Variants in EYA1 observed in about 807,000 individuals in gnomAD.
The protein encoded by EYA1 is EYA transcriptional coactivator and phosphatase 1, also known as protein phosphatase EYA1.
Under a neutral mutation model 82.0 loss-of-function variants are expected in EYA1, and 16 were observed. That is an observed-to-expected ratio of 0.20 (90% CI 0.13 to 0.30). The LOEUF (loss-of-function observed/expected upper bound fraction) is 0.30. EYA1 is among the 10% of genes least tolerant of loss of function. EYA1 has a pLI of 1.00. For missense variants in EYA1, 633 were observed against 730.7 expected (o/e 0.87, Z 1.54); for synonymous variants, 261 against 264.4 (o/e 0.99, Z 0.12).
rs558965319 is a variant in EYA1 at position 71,491,529 on chromosome 8, G to A, written c.33+44215C>T. ...TAAGGTTAAACAAGGTTTTATGGGT[G>A]GGTCCTAATCCAATATGCCTGAATT... On this transcript the variant is annotated intron_variant, in intron 2 of 18. Coordinates refer to the EYA1 transcript ENST00000643681. Among the ~76,000 whole-genome samples the A allele has an allele frequency of 1.1e-4, 16 of 152,304 alleles. No homozygotes were observed. The South Asian group carries it at 3.1e-3, about 30-fold the overall frequency.
intron 2 of EYA1, among the ~76,000 whole-genome samples, chr8:71,446,889 C>T (rs1031751028): frequency 9.9e-5 from 15 of 152,054 alleles, no homozygotes; most frequent in Non-Finnish European, 2.2e-4. Flanking sequence ...TTTACTAGGT[C>T]TTTATAAAAT....
At chr8:71,389,082 C>G (rs1469967097) in intron 2 of EYA1, among the ~76,000 whole-genome samples, 1 of 151,746 alleles carries the variant, frequency 6.6e-6, no homozygotes, top group East Asian at 1.9e-4. Context: ...AAGAGAGAGA[C>G]AGACACACAC....
chr8:71,503,940 C>G (rs1387930793), intron 2 of EYA1, among the ~76,000 whole-genome samples: 1 of 152,092 alleles, frequency 6.6e-6, no homozygotes, highest in Non-Finnish European at 1.5e-5. Flanking sequence ...ATGTGAGTCG[C>G]TGGAATGGTG....
At chr8:71,514,945 A>G (rs62508476) in intron 2 of EYA1, among the ~76,000 whole-genome samples, 45,186 of 152,016 alleles carry the variant, frequency 0.3, 7,037 homozygotes, top group African/African-American at 0.39. Flanking sequence ...AAAACTGAAA[A>G]ACATTAGTAA....
chr8:71,367,291 T>A (rs1294927937), intron 2 of EYA1, among the ~76,000 whole-genome samples: 2 of 152,184 alleles, frequency 1.3e-5, no homozygotes, highest in Non-Finnish European at 2.9e-5. Flanking sequence ...TTACCCAGTA[T>A]GATATGCTTT....
At chr8:71,326,350 C>G (rs1823142606) in intron 4 of EYA1, among the ~76,000 whole-genome samples, 1 of 152,074 alleles carries the variant, frequency 6.6e-6, no homozygotes, top group South Asian at 2.1e-4. Flanking sequence ...CCCACCTACC[C>G]TTTTATCATA....
At chr8:71,457,804 A>G (rs1460756802) in intron 2 of EYA1, among the ~76,000 whole-genome samples, 1 of 152,216 alleles carries the variant, frequency 6.6e-6, no homozygotes, top group Non-Finnish European at 1.5e-5. Flanking sequence ...TAATGGGTGC[A>G]GCACACCAAC....
chr8:71,269,953 A>G lies in EYA1; in HGVS notation c.967-130T>C, dbSNP rs1033856175. 5.9e-5 allele frequency: 44 copies of G among 740,904 alleles called. No homozygotes were observed. In the African/African-American group the frequency reaches 6.9e-4, roughly 12 times the overall value. 45.9% of individuals were successfully genotyped at this position (740,904 alleles called of 1,614,324 possible). Reference sequence around the variant, plus strand: ...AAAATCTGAATTTATTATTTCAAAAAAAACACAACTGTTTCAAAGAGTATC... The same window carrying G: ...AAAATCTGAATTTATTATTTCAAAAGAAACACAACTGTTTCAAAGAGTATC... On this transcript the variant is annotated intron_variant, in intron 10 of 17. Coordinates refer to ENST00000340726, the MANE Select transcript of EYA1 (RefSeq NM_000503.6).
intron 14 of EYA1, among the ~76,000 whole-genome samples, chr8:71,215,968 C>T (rs901800481): frequency 6.6e-6 from 1 of 152,308 alleles, no homozygotes; most frequent in African/African-American, 2.4e-5. Context: ...GCAGAGGTGA[C>T]TCCACCTTCT....
At chr8:71,292,743 G>A (rs1351143877) in intron 9 of EYA1, among the ~76,000 whole-genome samples, 3 of 151,888 alleles carry the variant, frequency 2.0e-5, no homozygotes, top group Non-Finnish European at 2.9e-5. Flanking sequence ...ATATTGTGAA[G>A]TAAATGAAAA....
chr8:71,425,990 T>A (rs1805203368), intron 2 of EYA1, among the ~76,000 whole-genome samples: 1 of 152,200 alleles, frequency 6.6e-6, no homozygotes. Flanking sequence ...CTCATGAGGC[T>A]GATAGAACCT....
chr8:71,357,270 G>T (rs577409768), intron 1 of EYA1, among the ~76,000 whole-genome samples: 36 of 152,316 alleles, frequency 2.4e-4, no homozygotes, highest in African/African-American at 8.4e-4. Flanking sequence ...GAAGAAAATG[G>T]AAAGTTTAAT....
intron 1 of EYA1, among the ~76,000 whole-genome samples, chr8:71,542,426 G>A (rs1815212254): frequency 1.3e-5 from 2 of 152,158 alleles, no homozygotes; most frequent in African/African-American, 4.8e-5. Context: ...GTATTCCAAG[G>A]TGTATATGTA....
chr8:71,215,645 C>A lies in EYA1; in HGVS notation c.1444G>T (p.Ala482Ser). ...TGAATGAGCGAGAGTGCTTTCAGGG[C>A]CAGTGTCAACCAGGAGTCGGTCAGG... The part of the protein sequence containing the change: ...EALTDSWLTL[A>S]LKALSLIHSR... Residue 482 changes from alanine (A) to serine (S), a missense_variant, in exon 15 of 18, where the codon GCC becomes TCC. Transcript: ENST00000340726. The A allele has an allele frequency of 2.5e-6, 4 of 1,614,116 alleles. No individual in the cohort carries two copies. The highest frequency in any genetic ancestry group is 3.4e-6 in the Non-Finnish European group (4 of 1,179,994).
chr8:71,299,518 A>G (rs558455106), intron 8 of EYA1, 120 bp downstream of exon 8: 1 of 759,814 alleles, frequency 1.3e-6, no homozygotes, highest in African/African-American at 1.7e-5. Context: ...GTGAATTTTA[A>G]AAGAAAACTA....
intron 2 of EYA1, among the ~76,000 whole-genome samples, chr8:71,488,448 C>G (rs1810736181): frequency 6.6e-6 from 1 of 152,116 alleles, no homozygotes; most frequent in African/African-American, 2.4e-5. Flanking sequence ...AGGGATGAAT[C>G]TAGCAGACAC....
intron 2 of EYA1, among the ~76,000 whole-genome samples, chr8:71,420,482 T>A (rs1831088184): frequency 6.6e-6 from 1 of 152,178 alleles, no homozygotes; most frequent in Non-Finnish European, 1.5e-5. Flanking sequence ...TTTAAAAAAA[T>A]TAAAATACAC....
intron 2 of EYA1, among the ~76,000 whole-genome samples, chr8:71,440,906 A>G (rs1289577495): frequency 6.6e-6 from 1 of 152,182 alleles, no homozygotes; most frequent in East Asian, 1.9e-4. Flanking sequence ...AAGTAAGGAT[A>G]TCCCCCTATG....
intron 2 of EYA1, among the ~76,000 whole-genome samples, chr8:71,482,486 T>C (rs1034885225): frequency 2.0e-5 from 3 of 152,206 alleles, no homozygotes; most frequent in Non-Finnish European, 4.4e-5. Flanking sequence ...TTGGACTCTT[T>C]TCTGAAGTTA....
Sources: gnomAD v4.1 joint callset for allele counts (sites outside exome capture counted in the v4.1 genomes callset) on GRCh38, gnomAD v4.1.1 for gene constraint, MANE v1.5 for transcripts, NCBI Gene and HGNC (gene_info 2026-07-23, HGNC 2026-07-21) for gene names.